CCSER1: variants seen among roughly 807,000 people sequenced by gnomAD.
CCSER1 encodes the protein coiled-coil serine rich protein 1, also known as serine-rich coiled-coil domain-containing protein 1.
Under a neutral mutation model 82.0 loss-of-function variants are expected in CCSER1, and 41 were observed. The ratio of observed to expected loss-of-function variants is 0.50; its 90% CI spans 0.39 to 0.65. CCSER1 has a LOEUF of 0.65. Among genes scored for constraint, CCSER1 ranks in the 30% least tolerant of loss-of-function variants. The pLI is 0.00. For synonymous variants in CCSER1, 414 were observed against 383.9 expected (o/e 1.08, Z -0.92); for missense variants, 1,119 against 1,064.2 (o/e 1.05, Z -0.72).
intron 6 of CCSER1, among the ~76,000 whole-genome samples, chr4:90,684,682 C>G (rs1734484158): frequency 1.3e-5 from 2 of 152,104 alleles, no homozygotes; most frequent in Non-Finnish European, 2.9e-5. Flanking sequence ...TTGGCTGTGT[C>G]CCCACCTAAA....
At chr4:90,647,432 G>A (rs1727791911) in intron 6 of CCSER1, among the ~76,000 whole-genome samples, 1 of 152,102 alleles carries the variant, frequency 6.6e-6, no homozygotes, top group South Asian at 2.1e-4. Context: ...GGTCAATTTA[G>A]CAAATGTTAG....
chr4:90,469,564 CACAT>C (rs1480684772), intron 5 of CCSER1, among the ~76,000 whole-genome samples: 46 of 151,106 alleles, frequency 3.0e-4, no homozygotes, highest in East Asian at 1.4e-3. Context: ...CACACACACA[CACAT>C]TTCCTTATCT....
intron 5 of CCSER1, among the ~76,000 whole-genome samples, chr4:90,575,202 T>G (rs563915112): frequency 6.6e-5 from 10 of 152,232 alleles, no homozygotes; most frequent in Non-Finnish European, 1.0e-4. Context: ...ACTGAGTAAT[T>G]TATAATGAAT....
At chr4:90,634,073 C>A (rs1171626183) in intron 6 of CCSER1, among the ~76,000 whole-genome samples, 1 of 151,526 alleles carries the variant, frequency 6.6e-6, no homozygotes, top group Non-Finnish European at 1.5e-5. Context: ...ATTTTATGAT[C>A]TATAAAAGAA....
intron 6 of CCSER1, among the ~76,000 whole-genome samples, chr4:90,635,947 A>G (rs560680219): frequency 6.6e-6 from 1 of 152,046 alleles, no homozygotes; most frequent in African/African-American, 2.4e-5. Flanking sequence ...AATTAAATCC[A>G]AACGAAGCAT....
rs558164848 is a variant in CCSER1 at position 90,781,217 on chromosome 4, A to T, written c.2011-34545A>T. ...CGACATGAGATTTGAGCAGAGACAA[A>T]TTTCCAAACTATATCACTCAGAATC... On this transcript the variant is annotated intron_variant, in intron 7 of 10. Transcript: ENST00000509176. 1.5e-5 allele frequency: 15 copies of T among 974,192 alleles called. No homozygotes were observed. In the East Asian group the frequency reaches 1.6e-3, roughly 104 times the overall value. The allele number at this position is 974,192 out of a possible 1,614,324, so 60.3% of individuals were successfully genotyped here. A position where few individuals can be genotyped will look rare whatever the true frequency, so the allele number is the denominator to read the frequency against.
At chr4:90,474,208 T>C (rs1418200065) in intron 5 of CCSER1, among the ~76,000 whole-genome samples, 1 of 151,548 alleles carries the variant, frequency 6.6e-6, no homozygotes, top group Admixed American at 6.6e-5. Context: ...TTATAAGGGC[T>C]GTAGTAAGAA....
intron 7 of CCSER1, among the ~76,000 whole-genome samples, chr4:90,741,869 A>G (rs982591649): frequency 1.3e-5 from 2 of 152,188 alleles, no homozygotes; most frequent in Non-Finnish European, 2.9e-5. Flanking sequence ...CAATAGTTCC[A>G]TCTGTTGTAT....
At chr4:90,637,512 G>T (rs1436065615) in intron 6 of CCSER1, among the ~76,000 whole-genome samples, 1 of 152,090 alleles carries the variant, frequency 6.6e-6, no homozygotes. Flanking sequence ...TTTGGAGGCT[G>T]TCTACCAGTC....
chr4:90,784,811 T>C (rs1754251992), intron 7 of CCSER1, among the ~76,000 whole-genome samples: 2 of 152,202 alleles, frequency 1.3e-5, no homozygotes, highest in Non-Finnish European at 2.9e-5. Flanking sequence ...ACATGTATTT[T>C]GTTTATGTAT....
chr4:90,845,109 C>T (rs1244867589), intron 8 of CCSER1, among the ~76,000 whole-genome samples: 1 of 152,050 alleles, frequency 6.6e-6, no homozygotes, highest in Admixed American at 6.5e-5. Flanking sequence ...ACTCCTGTAA[C>T]CCCAACACTC....
At chr4:90,172,500 T>A (rs1560739624) in intron 1 of CCSER1, among the ~76,000 whole-genome samples, 2 of 151,928 alleles carry the variant, frequency 1.3e-5, no homozygotes, top group Non-Finnish European at 2.9e-5. Flanking sequence ...TACTAGTTAT[T>A]GATATTGGTA....
At chr4:90,424,090 CAAA>C (rs983353518) in intron 4 of CCSER1, among the ~76,000 whole-genome samples, 2 of 84,612 alleles carry the variant, frequency 2.4e-5, no homozygotes, top group Admixed American at 1.3e-4. Flanking sequence ...GTCTCTGTCT[CAAA>C]AAAAAAAAAA....
At chr4:90,671,279 G>A (rs1052826496) in intron 6 of CCSER1, among the ~76,000 whole-genome samples, 19 of 151,950 alleles carry the variant, frequency 1.3e-4, no homozygotes, top group Non-Finnish European at 4.4e-5. Context: ...TCTGTAGCAC[G>A]TGATGCTGTT....
chr4:90,747,636 CTTT>C (rs772577362), intron 7 of CCSER1, among the ~76,000 whole-genome samples: 54 of 146,524 alleles, frequency 3.7e-4, no homozygotes, highest in Non-Finnish European at 7.3e-4. Flanking sequence ...ATCTAATTTT[CTTT>C]TTTTTTTCTT....
chr4:91,346,312 G>A (rs1018145571), intron 10 of CCSER1, among the ~76,000 whole-genome samples: 2 of 152,090 alleles, frequency 1.3e-5, no homozygotes, highest in African/African-American at 2.4e-5. Flanking sequence ...ACGGCGCCTG[G>A]TCTTATTTCT....
chr4:90,874,931 A>G (rs575773122), intron 8 of CCSER1, among the ~76,000 whole-genome samples: 7 of 152,252 alleles, frequency 4.6e-5, no homozygotes, highest in African/African-American at 1.7e-4. Flanking sequence ...CTATAGTCCC[A>G]GCTACTCAGA....
chr4:91,039,403 T>C (rs72886616), intron 9 of CCSER1, among the ~76,000 whole-genome samples: 2,322 of 152,266 alleles, frequency 0.015, 72 homozygotes, highest in African/African-American at 0.053. Context: ...TATAGTAGTA[T>C]ACAACATTGT....
intron 7 of CCSER1, chr4:90,782,010 T>C (rs1158133603): frequency 1.2e-6 from 1 of 846,918 alleles, no homozygotes; most frequent in Non-Finnish European, 1.4e-6. Context: ...ATAAAGTATT[T>C]TCCTAAATAG....
Sources: gnomAD v4.1 joint callset for allele counts (sites outside exome capture counted in the v4.1 genomes callset) on GRCh38, gnomAD v4.1.1 for gene constraint, MANE v1.5 for transcripts, NCBI Gene and HGNC (gene_info 2026-07-23, HGNC 2026-07-21) for gene names.